GREB1L: variants seen among roughly 807,000 people sequenced by gnomAD.
GREB1L encodes GREB1 like retinoic acid receptor coactivator, also known as GREB1-like protein.
In GREB1L, 17 loss-of-function variants were observed where a neutral mutation model predicts 200.8. The observed-to-expected ratio is 0.08, with a 90% CI of 0.06 to 0.13. GREB1L has a LOEUF of 0.13. Ranked by LOEUF, GREB1L falls within the 10% of genes least tolerant of loss-of-function variation. GREB1L has a pLI of 1.00. For missense variants in GREB1L, 1,657 were observed against 2,367.7 expected (o/e 0.70, Z 6.23); for synonymous variants, 789 against 893.0 (o/e 0.88, Z 2.08).
chr18:21,401,162 A>G lies in GREB1L; in HGVS notation c.545A>G (p.Asn182Ser). The G allele has an allele frequency of 1.9e-6, 3 of 1,551,606 alleles. No homozygotes were observed. The highest frequency in any genetic ancestry group is 2.6e-6 in the Non-Finnish European group (3 of 1,146,906). The change falls in exon 6 of 33, where the codon AAT (asparagine) becomes AGT (serine). Residue 182 changes from asparagine (N) to serine (S), a missense_variant. Coordinates refer to ENST00000424526, the MANE Select transcript of GREB1L (RefSeq NM_001142966.3). ...TTCCTGACTTCAGGGTTTTCTGGAA[A>G]TTGTATCGGCTGTGGAGAAAGAGGA... is the stretch of plus-strand genomic sequence containing the variant. ...GKNALLGFSG[N>S]CIGCGERGFR...
intron 7 of GREB1L, among the ~76,000 whole-genome samples, chr18:21,422,786 G>A (rs1422483102): frequency 6.6e-6 from 1 of 152,086 alleles, no homozygotes; most frequent in Non-Finnish European, 1.5e-5. Flanking sequence ...AGGATTGCTG[G>A]ATCAAACATA....
At chr18:21,278,389 A>ATAAAT (rs1555624350) in intron 1 of GREB1L, among the ~76,000 whole-genome samples, 3 of 125,610 alleles carry the variant, frequency 2.4e-5, no homozygotes, top group Non-Finnish European at 5.0e-5. Context: ...TCAAAAAAAA[A>ATAAAT]AAATAAATAA....
At chr18:21,423,935 A>G (rs1770201218) in intron 7 of GREB1L, among the ~76,000 whole-genome samples, 1 of 152,210 alleles carries the variant, frequency 6.6e-6, no homozygotes, top group South Asian at 2.1e-4. Context: ...TTGCCCTACA[A>G]GCATTATACG....
chr18:21,490,654 T>C (rs2036297826), intron 19 of GREB1L, among the ~76,000 whole-genome samples: 1 of 152,190 alleles, frequency 6.6e-6, no homozygotes, highest in Non-Finnish European at 1.5e-5. Context: ...TCAAGATGCA[T>C]GTAGCCCATG....
At chr18:21,392,969 C>T (rs1160740526) in intron 4 of GREB1L, among the ~76,000 whole-genome samples, 1 of 152,008 alleles carries the variant, frequency 6.6e-6, no homozygotes, top group African/African-American at 2.4e-5. Flanking sequence ...GATGGGGTTT[C>T]GCCCTGTTGC....
At chr18:21,257,419 G>T (rs2037818445) in intron 1 of GREB1L, among the ~76,000 whole-genome samples, 2 of 152,102 alleles carry the variant, frequency 1.3e-5, no homozygotes, top group African/African-American at 4.8e-5. Flanking sequence ...ATTTTTTACA[G>T]TATTGTTGGT....
intron 1 of GREB1L, among the ~76,000 whole-genome samples, chr18:21,330,300 G>A (rs918850533): frequency 9.2e-5 from 14 of 152,280 alleles, no homozygotes; most frequent in East Asian, 5.8e-4. Flanking sequence ...CACAGGGTGC[G>A]TCCAGAACTG....
chr18:21,428,726 T>A (rs2032866808), intron 7 of GREB1L, among the ~76,000 whole-genome samples: 2 of 143,214 alleles, frequency 1.4e-5, no homozygotes, highest in South Asian at 4.6e-4. Context: ...TTTTTTTTTT[T>A]TTTTTTTGAG....
Position 21,522,686 on chromosome 18 carries a change from C to A in GREB1L, c.5637C>A (p.Asp1879Glu), listed in dbSNP as rs1164884494. 6.4e-7 allele frequency: 1 copy of A among 1,551,640 alleles called. No homozygotes were observed. Residue 1879 changes from aspartate to glutamate, a missense_variant, in exon 33 of 33, where the codon GAC (aspartate) becomes GAA (glutamate). Physicochemically the swap from Asp to Glu is conservative, Grantham distance 45. Transcript: ENST00000424526. ...CTACACTGTGTGTCATCTGCCAAGA[C>A]AGAAGTTCCTTGCGCCAAACAATTG... The part of the protein sequence containing the change: ...KGATLCVICQ[D>E]RSSLRQTIVR...
At chr18:21,450,633 C>T (rs547229528) in intron 12 of GREB1L, 5 of 159,624 alleles carry the variant, frequency 3.1e-5, no homozygotes, top group African/African-American at 1.2e-4. Context: ...CATACTCTTC[C>T]CTAGTCTGTT....
At chr18:21,397,233 G>A (rs868238244) in intron 5 of GREB1L, among the ~76,000 whole-genome samples, 1 of 151,760 alleles carries the variant, frequency 6.6e-6, no homozygotes. Flanking sequence ...GGTGGCTCAC[G>A]TCTGTAATCC....
chr18:21,515,954 A>T (rs2037402187), intron 29 of GREB1L, among the ~76,000 whole-genome samples: 1 of 152,188 alleles, frequency 6.6e-6, no homozygotes, highest in Non-Finnish European at 1.5e-5. Flanking sequence ...ATCTAAGATT[A>T]AGCCTCCTTC....
At chr18:21,415,331 C>G (rs1196681928) in intron 7 of GREB1L, among the ~76,000 whole-genome samples, 1 of 152,038 alleles carries the variant, frequency 6.6e-6, no homozygotes, top group Non-Finnish European at 1.5e-5. Context: ...CCTGGGCAAC[C>G]TGGTGAGACC....
chr18:21,256,726 A>G (rs2037804383), intron 1 of GREB1L, among the ~76,000 whole-genome samples: 1 of 152,092 alleles, frequency 6.6e-6, no homozygotes, highest in African/African-American at 2.4e-5. Flanking sequence ...GGCTGGTACA[A>G]AATAGACTCC....
At position 21,515,659 on chromosome 18, in the gene GREB1L, A is replaced by C; in HGVS notation, c.5129+15A>C. 6.6e-7 allele frequency: 1 copy of C among 1,522,568 alleles called. No homozygotes were observed. The highest frequency in any genetic ancestry group is 8.9e-7 in the Non-Finnish European group (1 of 1,120,896). The allele number at this position is 1,522,568 out of a possible 1,614,324, so 94.3% of individuals were successfully genotyped here. Reference sequence around the variant, plus strand: ...GACTTCAACAGGTAAGTCAGGCCTCATGGATGCAGGTAATCCTGGCATCTA... The same window carrying C: ...GACTTCAACAGGTAAGTCAGGCCTCCTGGATGCAGGTAATCCTGGCATCTA... On this transcript the variant is annotated intron_variant, in intron 29 of 32. Transcript: ENST00000424526.
intron 25 of GREB1L, 109 bp from the exon 26 acceptor site, chr18:21,508,009 C>A: frequency 9.6e-7 from 1 of 1,038,874 alleles, no homozygotes; most frequent in Non-Finnish European, 1.4e-6. Flanking sequence ...GTGGCACTTA[C>A]CAGTTCATGT....
chr18:21,520,362 T>G (rs1301278406), intron 31 of GREB1L, among the ~76,000 whole-genome samples: 1 of 152,258 alleles, frequency 6.6e-6, no homozygotes, highest in East Asian at 1.9e-4. Flanking sequence ...TTCCTAAGTA[T>G]GCTTTTTTGT....
Position 21,518,166 on chromosome 18 carries a change from C to T in GREB1L, c.5404C>T (p.Pro1802Ser), listed in dbSNP as rs1243871472. Residue 1802 changes from proline (P) to serine (S), a missense_variant, in exon 31 of 33, where the codon CCC becomes TCC. Coordinates refer to ENST00000424526, the MANE Select transcript of GREB1L (RefSeq NM_001142966.3). ...FLQHASYKLF[P>S]KAIHNFRSPV... ...TCAGCACGCCTCATATAAACTCTTC[C>T]CCAAAGCCATCCATAACTTCAGGAG... The T allele has an allele frequency of 6.4e-7, 1 of 1,551,546 alleles. No individual in the cohort carries two copies. The highest frequency in any genetic ancestry group is 1.4e-5 in the African/African-American group (1 of 73,022).
chr18:21,361,553 C>A (rs1275877988), intron 1 of GREB1L, among the ~76,000 whole-genome samples: 1 of 152,072 alleles, frequency 6.6e-6, no homozygotes, highest in Non-Finnish European at 1.5e-5. Context: ...CCACTGGCCA[C>A]CTCTCTTATT....
Sources: gnomAD v4.1 joint callset for allele counts (sites outside exome capture counted in the v4.1 genomes callset) on GRCh38, gnomAD v4.1.1 for gene constraint, MANE v1.5 for transcripts, NCBI Gene and HGNC (gene_info 2026-07-23, HGNC 2026-07-21) for gene names.